DMD: variants seen among roughly 807,000 people sequenced by gnomAD.
The protein encoded by DMD is mutant dystrophin.
Under a neutral mutation model 330.1 loss-of-function variants are expected in DMD, and 63 were observed. That is an observed-to-expected ratio of 0.19 (90% CI 0.16 to 0.24). The LOEUF is 0.24. Among genes scored for constraint, DMD ranks in the 10% least tolerant of loss-of-function variants. The pLI, the probability that DMD is intolerant of heterozygous loss-of-function variation, is 1.00. For missense variants in DMD, 3,344 were observed against 2,684.1 expected, an observed-to-expected ratio of 1.25 and a Z score of -5.43; for synonymous variants, 1,223 against 959.8, an observed-to-expected ratio of 1.27 and a Z score of -5.07.
chrX:32,968,356 A>G (rs183642090), intron 2 of DMD, among the ~76,000 whole-genome samples: 1 of 111,316 alleles, frequency 9.0e-6, no homozygotes, highest in African/African-American at 3.3e-5. Context: ...GAAATAAAGG[A>G]GAAGAGATAG....
At chrX:31,276,610 A>C (rs1204686686) in intron 62 of DMD, among the ~76,000 whole-genome samples, 2 of 112,056 alleles carry the variant, frequency 1.8e-5, no homozygotes, top group African/African-American at 6.5e-5. Flanking sequence ...TCCTCAAAGG[A>C]ATGCATACAT....
intron 9 of DMD, among the ~76,000 whole-genome samples, chrX:32,667,002 C>T (rs1007420856): frequency 1.8e-5 from 2 of 110,446 alleles, no homozygotes; most frequent in Admixed American, 1.9e-4. Flanking sequence ...TCACAGTAGC[C>T]AAGATATGGA....
intron 2 of DMD, among the ~76,000 whole-genome samples, chrX:32,914,614 C>G (rs766029296): frequency 2.7e-5 from 3 of 112,185 alleles, no homozygotes; most frequent in East Asian, 5.7e-4. Flanking sequence ...TTCCTAGCAG[C>G]ACTGCCCAAA....
At chrX:32,424,461 A>C (rs185458012) in intron 29 of DMD, among the ~76,000 whole-genome samples, 51 of 111,786 alleles carry the variant, frequency 4.6e-4, no homozygotes, top group African/African-American at 1.5e-3. Flanking sequence ...AATCTATAAA[A>C]GTGAGCCTAA....
chrX:31,447,915 G>A (rs772495634), intron 59 of DMD, among the ~76,000 whole-genome samples: 264 of 105,476 alleles, frequency 2.5e-3, no homozygotes, highest in Non-Finnish European at 3.9e-3. Context: ...GCTGAGGCAT[G>A]AGAAGCGCTT....
At chrX:31,841,072 T>C (rs989764262) in intron 48 of DMD, among the ~76,000 whole-genome samples, 12 of 111,465 alleles carry the variant, frequency 1.1e-4, no homozygotes, top group African/African-American at 3.6e-4. Context: ...GTTAGCTAAG[T>C]TGTGAATGCA....
chrX:31,222,203 A>G (rs1275899766), intron 64 of DMD, among the ~76,000 whole-genome samples: 1 of 106,343 alleles, frequency 9.4e-6, no homozygotes, highest in South Asian at 4.2e-4. Context: ...CTCAAAAAAA[A>G]ACAAAACAAA....
At chrX:32,176,403 C>A (rs2147405482) in intron 44 of DMD, among the ~76,000 whole-genome samples, 1 of 111,365 alleles carries the variant, frequency 9.0e-6, no homozygotes, top group South Asian at 3.8e-4. Flanking sequence ...AAGTTAAATC[C>A]ACAGTGGTCC....
chrX:31,951,131 A>G (rs1169952611), intron 45 of DMD, among the ~76,000 whole-genome samples: 1 of 77,505 alleles, frequency 1.3e-5, no homozygotes, highest in Non-Finnish European at 2.4e-5. Context: ...ACATATATAT[A>G]TATATATATG....
At position 31,127,839 on chromosome X, in the gene DMD, C is replaced by T. The variant is rs144224955; in HGVS notation, c.11015-1166G>A. 6.8e-3 allele frequency among the ~76,000 whole-genome samples: 760 copies of T among 111,732 alleles called. 11 individuals are homozygous for T. Among genetic ancestry groups the T allele is most frequent in the African/African-American group, 0.024 (728 of 30,787 alleles). ...AAGGATAGTTTCTAAGTTTTTCTTCCCTCTCTCCTTCTCTTTCTTCCCTCC... is the reference window on the plus strand; with the variant it reads ...AAGGATAGTTTCTAAGTTTTTCTTCTCTCTCTCCTTCTCTTTCTTCCCTCC... On this transcript the variant is annotated intron_variant, in intron 77 of 78. Transcript: ENST00000357033.
chrX:31,455,651 G>A (rs1375578833), intron 59 of DMD, among the ~76,000 whole-genome samples: 1 of 112,238 alleles, frequency 8.9e-6, no homozygotes, highest in Non-Finnish European at 1.9e-5. Flanking sequence ...TTATATTGGA[G>A]CATTTGCTAA....
chrX:32,435,613 T>A (rs1212852834), intron 29 of DMD, among the ~76,000 whole-genome samples: 1 of 110,545 alleles, frequency 9.0e-6, no homozygotes, highest in Non-Finnish European at 1.9e-5. Context: ...CACGGGAACA[T>A]TTCTCCCCTT....
chrX:31,967,113 C>A (rs955384669), intron 45 of DMD, among the ~76,000 whole-genome samples: 4 of 109,961 alleles, frequency 3.6e-5, no homozygotes, highest in African/African-American at 1.3e-4. Flanking sequence ...TAATAAAATA[C>A]TTGTATGATT....
intron 44 of DMD, among the ~76,000 whole-genome samples, chrX:32,158,062 G>A (rs1455579902): frequency 8.9e-6 from 1 of 112,044 alleles, no homozygotes; most frequent in South Asian, 3.7e-4. Context: ...AGCTGAACAG[G>A]GGTTTGTGGA....
rs780508132 is a variant in DMD at position 32,386,352 on chromosome X, T to A, written c.4632A>T (p.Arg1544Ser). The A allele has an allele frequency of 1.5e-5, 18 of 1,207,634 alleles. No homozygotes were observed. Among genetic ancestry groups the A allele is most frequent in the Non-Finnish European group, 2.0e-5 (18 of 893,616 alleles). ...QTENPKELDE[R>S]VTALKLHYNE... is the part of the protein sequence containing the mutation. ...TATAATGCAATTTCAAAGCTGTTACTCTTTCATCAAGTTCTTTGGGATTTT... is the reference window on the plus strand; with the variant it reads ...TATAATGCAATTTCAAAGCTGTTACACTTTCATCAAGTTCTTTGGGATTTT... Residue 1544 changes from arginine to serine, a missense_variant, in exon 33 of 79, where the codon AGA becomes AGT. Transcript: ENST00000357033.
At chrX:32,271,708 T>TC (rs1343592911) in intron 43 of DMD, among the ~76,000 whole-genome samples, 3 of 112,358 alleles carry the variant, frequency 2.7e-5, no homozygotes, top group African/African-American at 9.7e-5. Context: ...GATATATTTT[T>TC]CTCTATGAGA....
intron 43 of DMD, among the ~76,000 whole-genome samples, chrX:32,234,631 A>G (rs1732618440): frequency 8.9e-6 from 1 of 112,133 alleles, no homozygotes; most frequent in Non-Finnish European, 1.9e-5. Flanking sequence ...ACATTTTACT[A>G]TACTCGTTTT....
intron 49 of DMD, among the ~76,000 whole-genome samples, chrX:31,834,961 T>C (rs2093162923): frequency 8.9e-6 from 1 of 112,140 alleles, no homozygotes; most frequent in Admixed American, 9.4e-5. Context: ...GGTTCTTTCT[T>C]TTTATTTCAG....
chrX:32,998,969 T>C (rs2093202388), intron 2 of DMD, among the ~76,000 whole-genome samples: 1 of 111,972 alleles, frequency 8.9e-6, no homozygotes, highest in Admixed American at 9.5e-5. Flanking sequence ...TAGGACACTT[T>C]TCCAATAATT....
Sources: allele counts gnomAD v4.1 joint callset (sites outside exome capture counted in the v4.1 genomes callset), GRCh38; gene constraint gnomAD v4.1.1; transcripts MANE v1.5; gene names NCBI Gene and HGNC (gene_info 2026-07-23, HGNC 2026-07-21).